Variants in COX15 observed in about 807,000 individuals in gnomAD.
COX15 encodes heme A synthase COX15.
Under a neutral mutation model 51.9 loss-of-function variants are expected in COX15, and 51 were observed. The ratio of observed to expected loss-of-function variants is 0.98; its 90% CI spans 0.78 to 1.24. The LOEUF (loss-of-function observed/expected upper bound fraction) is 1.24. Among genes scored for constraint, COX15 ranks in the 50% most tolerant of loss-of-function variants. COX15 has a pLI of 0.00. For missense variants in COX15, 420 were observed against 501.1 expected (o/e 0.84, Z 1.55); for synonymous variants, 188 against 190.5 (o/e 0.99, Z 0.11).
chr10:99,724,199 T>C (rs2036872295), intron 4 of COX15, 76 bp from the exon 5 acceptor site: 5 of 1,561,056 alleles, frequency 3.2e-6, no homozygotes, highest in Non-Finnish European at 4.4e-6. Flanking sequence ...TTGTTGTTTT[T>C]TTGAGACAGA....
intron 7 of COX15, 146 bp downstream of exon 7, chr10:99,718,200 A>G: frequency 1.1e-6 from 1 of 906,844 alleles, no homozygotes; most frequent in Non-Finnish European, 1.8e-6. Flanking sequence ...TAGATTAGAG[A>G]AATGGTCCTA....
At chr10:99,719,985 G>A (rs2036708473) in intron 6 of COX15, among the ~76,000 whole-genome samples, 1 of 152,200 alleles carries the variant, frequency 6.6e-6, no homozygotes, top group African/African-American at 2.4e-5. Flanking sequence ...CTAGCCACAT[G>A]TGCCTGTGGA....
At chr10:99,717,948 A>G (rs1490895492) in intron 7 of COX15, among the ~76,000 whole-genome samples, 1 of 152,130 alleles carries the variant, frequency 6.6e-6, no homozygotes, top group Non-Finnish European at 1.5e-5. Flanking sequence ...TGGCTCCTTG[A>G]GCTTCTGGTT....
intron 3 of COX15, 66 bp downstream of exon 3, chr10:99,727,375 A>T: frequency 6.3e-7 from 1 of 1,591,826 alleles, no homozygotes; most frequent in South Asian, 1.1e-5. Flanking sequence ...ACCATTCTGA[A>T]GGGTTTAAGT....
chr10:99,713,554 T>G lies in COX15; in HGVS notation c.*1033A>C. The G allele has an allele frequency of 2.6e-6, 4 of 1,553,264 alleles. No individual in the cohort carries two copies. The highest frequency in any genetic ancestry group is 3.5e-6 in the Non-Finnish European group (4 of 1,148,600). On this transcript the variant is annotated 3_prime_UTR_variant, in exon 9 of 9. Transcript: ENST00000016171. ...ATTTGTTTATCTGGGTAGATGTCCA[T>G]GCACTACACCATCAAGGCCATATTT...
chr10:99,714,742 T>C lies in COX15; in HGVS notation c.1102-24A>G, dbSNP rs11190255. 452,824 of 1,611,252 alleles carry C rather than the reference T, an allele frequency of 0.28. 65,654 individuals carry two copies. The highest frequency in any genetic ancestry group is 0.3 in the Non-Finnish European group (353,216 of 1,179,772). ...ACCTGTCACAAAGGAAAGAAGGCAA[T>C]AGGAAAGGCAGTAACCCAAAGTTCA... On this transcript the variant is annotated intron_variant, in intron 8 of 8. Coordinates refer to ENST00000016171, the MANE Select transcript of COX15 (RefSeq NM_078470.6).
the COX15 span, chr10:99,704,663 G>A: frequency 1.2e-6 from 2 of 1,613,902 alleles, no homozygotes; most frequent in Non-Finnish European, 1.7e-6. Flanking sequence ...GCCCATGATG[G>A]GAGTACAGGT....
At chr10:99,727,671 T>C in intron 2 of COX15, 108 bp from the exon 3 acceptor site, 1 of 1,270,716 alleles carries the variant, frequency 7.9e-7, no homozygotes, top group Non-Finnish European at 1.1e-6. Context: ...GGTAAACACA[T>C]TGTTTCCTTG....
chr10:99,718,512 G>A lies in COX15; in HGVS notation c.833-12C>T. The A allele has an allele frequency of 6.2e-7, 1 of 1,613,922 alleles. No individual in the cohort carries two copies. The highest frequency in any genetic ancestry group is 8.5e-7 in the Non-Finnish European group (1 of 1,179,852). ...TGCCACAAAAGCCCCTGTATTCCAA[G>A]GTAAATGGTATTTATTAAAATGAGA... is the stretch of plus-strand genomic sequence containing the variant. On this transcript the variant is annotated splice_polypyrimidine_tract_variant and intron_variant, in intron 6 of 8. Coordinates refer to ENST00000016171, the MANE Select transcript of COX15 (RefSeq NM_078470.6).
downstream of COX15, chr10:99,708,599 C>T (rs1027271346): frequency 6.5e-6 from 1 of 154,536 alleles, no homozygotes; most frequent in African/African-American, 2.4e-5. Flanking sequence ...TTGGGAAGAG[C>T]ATTTTGTCCT....
chr10:99,723,491 G>GT (rs1477883052), intron 5 of COX15, among the ~76,000 whole-genome samples: 1 of 152,138 alleles, frequency 6.6e-6, no homozygotes, highest in Admixed American at 6.5e-5. Context: ...CTATAAGGGT[G>GT]TGGTGTCTTG....
At chr10:99,699,865 C>T in the COX15 span, among the ~76,000 whole-genome samples, 1 of 152,018 alleles carries the variant, frequency 6.6e-6, no homozygotes, top group Middle Eastern at 3.2e-3. Flanking sequence ...CGTACCCAGC[C>T]TCTCCTCATA....
the COX15 span, chr10:99,698,622 A>AAC: frequency 6.2e-7 from 1 of 1,614,162 alleles, no homozygotes; most frequent in Non-Finnish European, 8.5e-7. Context: ...GGTGGAGAGG[A>AAC]ACAGCCAAGT....
At chr10:99,704,865 A>G in the COX15 span, 4 of 627,606 alleles carry the variant, frequency 6.4e-6, no homozygotes, top group African/African-American at 3.7e-5. Context: ...GAGAGAAGCT[A>G]TAATTTAATC....
intron 1 of COX15, among the ~76,000 whole-genome samples, chr10:99,730,748 T>C (rs1263672472): frequency 6.6e-6 from 1 of 152,098 alleles, no homozygotes; most frequent in Admixed American, 6.6e-5. Flanking sequence ...AAAATTACAG[T>C]AAAAATATGG....
At chr10:99,703,936 G>C in the COX15 span, among the ~76,000 whole-genome samples, 3 of 152,080 alleles carry the variant, frequency 2.0e-5, no homozygotes, top group Non-Finnish European at 2.9e-5. Flanking sequence ...ATGTTGACCA[G>C]GCTGGTTTTG....
downstream of COX15, chr10:99,708,882 A>G (rs752120770): frequency 2.0e-6 from 2 of 985,280 alleles, no homozygotes; most frequent in South Asian, 9.4e-5. Flanking sequence ...CTGCAAGTAT[A>G]AACAGAATCT....
the COX15 span, chr10:99,696,135 T>C: frequency 5.0e-6 from 8 of 1,613,030 alleles, no homozygotes; most frequent in African/African-American, 4.0e-5. Context: ...ACATTTGATA[T>C]GGGATCTGAG....
chr10:99,726,743 C>T (rs1226997826), intron 4 of COX15, among the ~76,000 whole-genome samples: 6 of 151,972 alleles, frequency 3.9e-5, no homozygotes, highest in African/African-American at 1.4e-4. Context: ...AAAAATTAGC[C>T]AGGCATAGTG....
Sources: allele counts gnomAD v4.1 joint callset (sites outside exome capture counted in the v4.1 genomes callset), GRCh38; gene constraint gnomAD v4.1.1; transcripts MANE v1.5; gene names NCBI Gene and HGNC (gene_info 2026-07-23, HGNC 2026-07-21).